The following DPH6 variants were observed in gnomAD, a reference collection of about 807,000 sequenced individuals.
DPH6 encodes the protein diphthamine biosynthesis 6.
Under a neutral mutation model 38.2 loss-of-function variants are expected in DPH6, and 33 were observed. The ratio of observed to expected loss-of-function variants is 0.86; its 90% CI spans 0.65 to 1.15. The LOEUF (loss-of-function observed/expected upper bound fraction) is 1.15. Ranked by LOEUF, DPH6 falls within the 50% of genes most tolerant of loss-of-function variation. The pLI, the probability that DPH6 is intolerant of heterozygous loss-of-function variation, is 0.00. For synonymous variants in DPH6, 108 were observed against 103.0 expected, an observed-to-expected ratio of 1.05 and a Z score of -0.30; for missense variants, 325 against 320.0, an observed-to-expected ratio of 1.02 and a Z score of -0.12.
downstream of DPH6, chr15:35,366,100 T>G (rs535198494): frequency 2.3e-6 from 2 of 868,472 alleles, no homozygotes; most frequent in African/African-American, 3.7e-5. Flanking sequence ...GTAGGTTGTA[T>G]AGAGGCAGTG....
intron 3 of DPH6, among the ~76,000 whole-genome samples, chr15:35,516,860 G>T (rs933718852): frequency 6.6e-6 from 1 of 151,978 alleles, no homozygotes; most frequent in African/African-American, 2.4e-5. Context: ...GAATTCCAGA[G>T]CATACATACC....
At chr15:35,221,229 C>G (rs2051440208) in intron 3 of DPH6, among the ~76,000 whole-genome samples, 1 of 152,226 alleles carries the variant, frequency 6.6e-6, no homozygotes, top group Admixed American at 6.5e-5. Flanking sequence ...TTGCTGGGCT[C>G]TGCTCATGCA....
intron 3 of DPH6, among the ~76,000 whole-genome samples, chr15:35,253,841 C>T (rs1197877130): frequency 1.3e-5 from 2 of 152,158 alleles, no homozygotes; most frequent in Non-Finnish European, 1.5e-5. Context: ...AGGGCTGAGG[C>T]GGCAGAACGT....
rs569001566 is a variant in DPH6 at position 35,476,624 on chromosome 15, G to A, written c.313-21804C>T. On this transcript the variant is annotated intron_variant, in intron 3 of 8. Transcript: ENST00000256538. Reference sequence around the variant, plus strand: ...GCTACATTATAGTCAATGTACAGAAGAAAAAAAATTACACTGAAACTTCAT... The same window carrying A: ...GCTACATTATAGTCAATGTACAGAAAAAAAAAAATTACACTGAAACTTCAT... 2.8e-4 allele frequency among the ~76,000 whole-genome samples: 42 copies of A among 151,432 alleles called. No individual in the cohort carries two copies. The East Asian group carries it at 8.1e-3, about 29-fold the overall frequency.
the DPH6 span, among the ~76,000 whole-genome samples, chr15:35,196,316 G>T: frequency 6.6e-6 from 1 of 152,112 alleles, no homozygotes; most frequent in African/African-American, 2.4e-5. Flanking sequence ...TTGGCAACTT[G>T]TCATTTTTTA....
chr15:35,515,130 G>T (rs1276650206), intron 3 of DPH6, among the ~76,000 whole-genome samples: 2 of 143,374 alleles, frequency 1.4e-5, no homozygotes, highest in African/African-American at 5.3e-5. Context: ...ACACACTAAG[G>T]TTAAAAAAAA....
intron 3 of DPH6, among the ~76,000 whole-genome samples, chr15:35,304,214 A>C (rs891265236): frequency 6.6e-6 from 1 of 152,160 alleles, no homozygotes; most frequent in African/African-American, 2.4e-5. Context: ...AGAGACACTA[A>C]GTGATTTGCT....
rs539799661 is a variant in DPH6 at position 35,299,483 on chromosome 15, A to G, written n.200+74038T>C. The G allele has an allele frequency of 1.1e-4, 84 of 752,944 alleles. No homozygotes were observed. The African/African-American group carries it at 1.3e-3, about 12-fold the overall frequency. 46.6% of individuals were successfully genotyped at this position (752,944 alleles called of 1,614,324 possible). On this transcript the variant is annotated intron_variant and non_coding_transcript_variant, in intron 3 of 3. Coordinates refer to the DPH6 transcript ENST00000560386. ...GCCGGCCCGCCCGCCGACTCTGCCCATGGGCCGCGGTGGCGGCAGCGCGGA... is the reference window on the plus strand; with the variant it reads ...GCCGGCCCGCCCGCCGACTCTGCCCGTGGGCCGCGGTGGCGGCAGCGCGGA...
At chr15:35,346,156 G>C (rs367659427) in intron 3 of DPH6, among the ~76,000 whole-genome samples, 1 of 151,918 alleles carries the variant, frequency 6.6e-6, no homozygotes, top group Non-Finnish European at 1.5e-5. Flanking sequence ...CAACAGAAAT[G>C]CTGGTTATAC....
At chr15:35,270,525 G>A (rs2051815989) in intron 3 of DPH6, among the ~76,000 whole-genome samples, 1 of 152,176 alleles carries the variant, frequency 6.6e-6, no homozygotes, top group Admixed American at 6.5e-5. Context: ...ATCTGATAAT[G>A]CAGTTACAGT....
chr15:35,454,622 T>C (rs1052764665), intron 4 of DPH6, 125 bp downstream of exon 4: 3 of 735,414 alleles, frequency 4.1e-6, no homozygotes, highest in African/African-American at 1.9e-5. Flanking sequence ...AATACACACA[T>C]TTAGTTCCAT....
chr15:35,340,241 T>A (rs558115245), intron 3 of DPH6, among the ~76,000 whole-genome samples: 1 of 140,084 alleles, frequency 7.1e-6, no homozygotes, highest in Admixed American at 7.1e-5. Context: ...TAAATTTTCC[T>A]CCATTCCTTT....
chr15:35,257,883 C>G (rs1439805819), intron 3 of DPH6, among the ~76,000 whole-genome samples: 1 of 151,612 alleles, frequency 6.6e-6, no homozygotes, highest in African/African-American at 2.4e-5. Context: ...TACTCTTAAA[C>G]AATTTGAATA....
intron 3 of DPH6, among the ~76,000 whole-genome samples, chr15:35,354,146 GCTGAAGTTGC>G (rs2052539562): frequency 6.6e-6 from 1 of 152,208 alleles, no homozygotes. Flanking sequence ...CTGAGACTTT[GCTGAAGTTGC>G]CTATCAGCTT....
chr15:35,414,907 CAA>C (rs1462239167), intron 5 of DPH6, among the ~76,000 whole-genome samples: 1 of 151,618 alleles, frequency 6.6e-6, no homozygotes, highest in Non-Finnish European at 1.5e-5. Context: ...CTTTTTTAAA[CAA>C]ATAGATTTTA....
chr15:35,242,868 C>T (rs1178177351), intron 3 of DPH6, among the ~76,000 whole-genome samples: 2 of 142,352 alleles, frequency 1.4e-5, no homozygotes, highest in African/African-American at 5.1e-5. Flanking sequence ...AGTCATACTC[C>T]TATTCACCGT....
At position 35,529,107 on chromosome 15, in the gene DPH6, A is replaced by G. The variant is rs74590692; in HGVS notation, c.312+9167T>C. On this transcript the variant is annotated intron_variant, in intron 3 of 8. Transcript: ENST00000256538. The stretch of plus-strand genomic sequence containing the variant: ...TCTTAGCCATCCTCCAATGTCTGTC[A>G]TCTGTCAAAATCCAAATAATCTTCA... Among the ~76,000 whole-genome samples the G allele has an allele frequency of 7.3e-4, 111 of 152,260 alleles. 2 individuals carry two copies. Among genetic ancestry groups the G allele is most frequent in the African/African-American group, 2.5e-3 (102 of 41,550 alleles).
intron 3 of DPH6, chr15:35,521,692 C>T: frequency 8.1e-7 from 1 of 1,231,068 alleles, no homozygotes; most frequent in Middle Eastern, 3.1e-4. Context: ...TGAAGAAGAG[C>T]AGCATATTAA....
chr15:35,147,625 C>T, the DPH6 span, among the ~76,000 whole-genome samples: 5,033 of 152,120 alleles, frequency 0.033, 237 homozygotes, highest in African/African-American at 0.11. Context: ...TCAAGATGCT[C>T]TTTAAGATCT....
Sources: gnomAD v4.1 joint callset for allele counts (sites outside exome capture counted in the v4.1 genomes callset) on GRCh38, gnomAD v4.1.1 for gene constraint, MANE v1.5 for transcripts, NCBI Gene and HGNC (gene_info 2026-07-23, HGNC 2026-07-21) for gene names.